ARHGEF10L: variants seen among roughly 807,000 people sequenced by gnomAD.
The protein encoded by ARHGEF10L is Rho guanine nucleotide exchange factor 10 like.
In ARHGEF10L, 69 loss-of-function variants were observed where a neutral mutation model predicts 141.2. That is an observed-to-expected ratio of 0.49 (90% CI 0.40 to 0.60). The LOEUF (loss-of-function observed/expected upper bound fraction) is 0.60. ARHGEF10L is among the 20% of genes least tolerant of loss of function. The probability of loss-of-function intolerance (pLI) is 0.00; values close to 1 mark genes in which losing one functional copy is unlikely to be tolerated. For synonymous variants in ARHGEF10L, 711 were observed against 718.5 expected, an observed-to-expected ratio of 0.99 and a Z score of 0.17; for missense variants, 1,482 against 1,734.3, an observed-to-expected ratio of 0.85 and a Z score of 2.58.
intron 7 of ARHGEF10L, among the ~76,000 whole-genome samples, chr1:17,612,008 C>CATCT (rs2059575711): frequency 1.3e-5 from 2 of 151,776 alleles, no homozygotes; most frequent in African/African-American, 4.8e-5. Context: ...TCCATCCATC[C>CATCT]TCCAGATAGT....
At chr1:17,542,331 C>G (rs1188507122) in intron 1 of ARHGEF10L, among the ~76,000 whole-genome samples, 1 of 152,106 alleles carries the variant, frequency 6.6e-6, no homozygotes, top group African/African-American at 2.4e-5. Flanking sequence ...CGCCTGTAGT[C>G]CCAGCTACTC....
At chr1:17,519,666 T>C in the ARHGEF10L span, among the ~76,000 whole-genome samples, 1 of 151,672 alleles carries the variant, frequency 6.6e-6, no homozygotes, top group African/African-American at 2.4e-5. Context: ...TGAAACCCCA[T>C]CTCTGCTAAA....
At chr1:17,631,229 G>A (rs1452594520) in intron 15 of ARHGEF10L, among the ~76,000 whole-genome samples, 1 of 152,086 alleles carries the variant, frequency 6.6e-6, no homozygotes, top group Non-Finnish European at 1.5e-5. Context: ...CAGAGTCACG[G>A]GTTTTGGGAA....
intron 7 of ARHGEF10L, among the ~76,000 whole-genome samples, chr1:17,612,515 C>T (rs1480954646): frequency 1.3e-5 from 2 of 152,134 alleles, no homozygotes; most frequent in South Asian, 4.1e-4. Context: ...TCTACCCATC[C>T]ACCTGCCTGT....
At chr1:17,676,962 C>T (rs1262963803) in intron 26 of ARHGEF10L, among the ~76,000 whole-genome samples, 1 of 151,862 alleles carries the variant, frequency 6.6e-6, no homozygotes, top group Non-Finnish European at 1.5e-5. Flanking sequence ...GTCCTCACTC[C>T]CTCCTCCATC....
intron 4 of ARHGEF10L, among the ~76,000 whole-genome samples, chr1:17,600,300 T>A (rs974355531): frequency 6.6e-6 from 1 of 152,140 alleles, no homozygotes. Context: ...CAGGCTCGGG[T>A]GCCAGGAAGG....
At chr1:17,578,537 A>G (rs2078318446) in intron 1 of ARHGEF10L, among the ~76,000 whole-genome samples, 1 of 81,256 alleles carries the variant, frequency 1.2e-5, no homozygotes, top group Admixed American at 1.5e-4. Context: ...ATTTTAAAAA[A>G]TTAGCCAGGC....
intron 8 of ARHGEF10L, among the ~76,000 whole-genome samples, chr1:17,613,377 T>C (rs2059644930): frequency 6.6e-6 from 1 of 152,190 alleles, no homozygotes; most frequent in Admixed American, 6.5e-5. Context: ...TTCCCTTCCA[T>C]GTTCTCACCC....
chr1:17,679,278 G>T (rs1214915568), intron 26 of ARHGEF10L, among the ~76,000 whole-genome samples: 1 of 152,236 alleles, frequency 6.6e-6, no homozygotes, highest in African/African-American at 2.4e-5. Context: ...AGGCAGGGCA[G>T]ATCTGCTCCT....
rs564234410 is a variant in ARHGEF10L at position 17,632,463 on chromosome 1, T to A, written c.1727T>A (p.Phe576Tyr). The A allele has an allele frequency of 1.2e-6, 2 of 1,614,086 alleles. No individual in the cohort carries two copies. The highest frequency in any genetic ancestry group is 3.3e-5 in the Admixed American group (2 of 60,022). ...ATGCTTGTCTGTGCCAACATCAACT[T>A]CAAGTAAGTGGGCCTGGGTTGGAGG... ...NDMLVCANIN[F>Y]KPANHRGQLE... The change falls in exon 16 of 29, where the codon TTC becomes TAC. Residue 576 changes from phenylalanine (F) to tyrosine (Y), a missense_variant. By Grantham distance (22) the Phe-to-Tyr change is conservative. Coordinates refer to ENST00000361221, the MANE Select transcript of ARHGEF10L (RefSeq NM_018125.4).
At position 17,665,476 on chromosome 1, in the gene ARHGEF10L, C is replaced by T. The variant is rs575147371; in HGVS notation, c.3009+881C>T. ...GGGGCCTTATGGATGAGCTCTGAGA[C>T]TGGGGGCTGAGTCTGGGGGATGTGG... On this transcript the variant is annotated intron_variant, in intron 26 of 28. Transcript: ENST00000361221. Among the ~76,000 whole-genome samples, 160 of 152,212 alleles carry T rather than the reference C, an allele frequency of 1.1e-3. 1 individual carries two copies. The highest frequency in any genetic ancestry group is 3.8e-3 in the African/African-American group (157 of 41,518).
In ARHGEF10L at chr1:17,656,502, T is replaced by C; in HGVS notation, c.2706-52T>C. On this transcript the variant is annotated intron_variant, in intron 24 of 28. Coordinates refer to ENST00000361221, the MANE Select transcript of ARHGEF10L (RefSeq NM_018125.4). This position sits in a 1 kb window ranked among gnomAD's most constrained non-coding sequence, Gnocchi z 4.9. ...CCTAGGAGGGCATGGGGGCAGTGAG[T>C]GGGTGGGAGTGCTCAGTGTGTCATG... 1.9e-6 allele frequency: 3 copies of C among 1,569,332 alleles called. No homozygotes were observed. The highest frequency in any genetic ancestry group is 2.6e-6 in the Non-Finnish European group (3 of 1,152,136).
chr1:17,593,595 C>T (rs1007417434), intron 4 of ARHGEF10L, among the ~76,000 whole-genome samples: 26 of 151,984 alleles, frequency 1.7e-4, no homozygotes, highest in Admixed American at 1.3e-3. Flanking sequence ...GGTGGCTTCT[C>T]GAGGCTGGAA....
At chr1:17,564,618 G>T (rs1470891979) in intron 1 of ARHGEF10L, among the ~76,000 whole-genome samples, 1 of 152,186 alleles carries the variant, frequency 6.6e-6, no homozygotes, top group East Asian at 1.9e-4. Flanking sequence ...GGGTTCAAAG[G>T]CCAGCGCTCT....
At position 17,621,560 on chromosome 1, in the gene ARHGEF10L, G is replaced by A. The variant is rs2060109420; in HGVS notation, c.943-304G>A. On this transcript the variant is annotated intron_variant, in intron 10 of 28. Coordinates refer to ENST00000361221, the MANE Select transcript of ARHGEF10L (RefSeq NM_018125.4). This position sits in a 1 kb window ranked among gnomAD's most constrained non-coding sequence, Gnocchi z 4.1. ...GGATTTTCTATTAGAGTTGTCCAAA[G>A]ATGGAGGTGGTCACCCGCCACCATG... Among the ~76,000 whole-genome samples, 1 of 152,190 alleles carries A rather than the reference G, an allele frequency of 6.6e-6. No homozygotes were observed. The highest frequency in any genetic ancestry group is 2.4e-5 in the African/African-American group (1 of 41,446).
In ARHGEF10L at chr1:17,637,880, C is replaced by T. The variant is rs1280328395; in HGVS notation, c.1928-8C>T. On this transcript the variant is annotated splice_polypyrimidine_tract_variant and splice_region_variant and intron_variant, in intron 18 of 28. Coordinates refer to ENST00000361221, the MANE Select transcript of ARHGEF10L (RefSeq NM_018125.4). ...ACCTGTGCCTGAGTTGGTCTCTTCT[C>T]TGCCCAGATAAGGTGTACCTCGGCC... is the stretch of plus-strand genomic sequence containing the variant. 6.3e-7 allele frequency: 1 copy of T among 1,576,858 alleles called. No homozygotes were observed. The highest frequency in any genetic ancestry group is 1.8e-5 in the Admixed American group (1 of 54,622).
chr1:17,685,476 C>T (rs193223747), intron 26 of ARHGEF10L, among the ~76,000 whole-genome samples: 37 of 152,348 alleles, frequency 2.4e-4, no homozygotes, highest in African/African-American at 8.7e-4. Context: ...GTTTCCTCCC[C>T]ATTATTCAGG....
intron 21 of ARHGEF10L, among the ~76,000 whole-genome samples, chr1:17,646,997 A>C (rs1034938504): frequency 6.6e-6 from 1 of 151,834 alleles, no homozygotes; most frequent in Non-Finnish European, 1.5e-5. Flanking sequence ...CTGGCTGCCG[A>C]GCAAAGATGA....
At chr1:17,535,219 C>T (rs2076557839), upstream of ARHGEF10L, among the ~76,000 whole-genome samples, 1 of 152,180 alleles carries the variant, frequency 6.6e-6, no homozygotes, top group Non-Finnish European at 1.5e-5. Context: ...AGATCCCTCA[C>T]ATGCACAGTT....
Sources: allele counts gnomAD v4.1 joint callset (sites outside exome capture counted in the v4.1 genomes callset), GRCh38; gene constraint gnomAD v4.1.1; non-coding constraint Gnocchi (gnomAD v3.1); transcripts MANE v1.5; gene names NCBI Gene and HGNC (gene_info 2026-07-23, HGNC 2026-07-21).